Variants in NTM observed in about 807,000 individuals in gnomAD.
The protein encoded by NTM is IgLON family member 2.
A neutral mutation model predicts 42.1 loss-of-function variants in NTM; 13 were observed. The ratio of observed to expected loss-of-function variants is 0.31; its 90% CI spans 0.20 to 0.49. The LOEUF (loss-of-function observed/expected upper bound fraction) is 0.49, where lower values mean the gene tolerates loss of function less well. NTM is among the 20% of genes least tolerant of loss of function. NTM has a pLI of 0.99. For synonymous variants in NTM, 187 were observed against 179.2 expected (o/e 1.04, Z -0.35); for missense variants, 373 against 452.8 (o/e 0.82, Z 1.60).
rs71067336 is a variant in NTM at position 131,789,547 on chromosome 11, AAAGAAGAAGAAGAAGAAGAAGAAGAAG to A, written c.83-121954_83-121928del. Reference sequence around the variant, plus strand: ...AAGAAGAAGAAGAAGAAGAAGAAGAAAAGAAGAAGAAGAAGAAGAAGAAGAAGAAGAAGAAGAAGAAGAAGAAGAAGA... The same window carrying A: ...AAGAAGAAGAAGAAGAAGAAGAAGAAAAGAAGAAGAAGAAGAAGAAGAAGA... On this transcript the variant is annotated intron_variant, in intron 1 of 8. Coordinates refer to ENST00000683400, the MANE Select transcript of NTM (RefSeq NM_001352005.2). Among the ~76,000 whole-genome samples the A allele has an allele frequency of 2.3e-3, 12 of 5,114 alleles. 1 individual carries two copies. The highest frequency in any genetic ancestry group is 3.8e-3 in the African/African-American group (4 of 1,054). 3.4% of individuals were successfully genotyped at this position (5,114 alleles called of 152,430 possible).
intron 1 of NTM, among the ~76,000 whole-genome samples, chr11:131,861,532 C>T (rs633040): frequency 0.64 from 97,333 of 151,998 alleles, 31,592 homozygotes; most frequent in East Asian, 0.86. Flanking sequence ...ATAGATTTTC[C>T]GATAACCTTC....
intron 1 of NTM, among the ~76,000 whole-genome samples, chr11:131,759,657 A>C (rs1221373913): frequency 6.6e-6 from 1 of 152,058 alleles, no homozygotes; most frequent in African/African-American, 2.4e-5. Flanking sequence ...TAGTTGCCTG[A>C]AAGTGCTCAA....
At chr11:131,857,513 G>A (rs2046218396) in intron 1 of NTM, among the ~76,000 whole-genome samples, 1 of 152,058 alleles carries the variant, frequency 6.6e-6, no homozygotes, top group African/African-American at 2.4e-5. Context: ...CTTTCATCTG[G>A]CAGTGAAAAT....
At chr11:131,801,620 C>T (rs2092118358) in intron 1 of NTM, among the ~76,000 whole-genome samples, 1 of 152,056 alleles carries the variant, frequency 6.6e-6, no homozygotes, top group Admixed American at 6.5e-5. Flanking sequence ...ATGTAGACCC[C>T]TTTTTTTCTT....
intron 1 of NTM, among the ~76,000 whole-genome samples, chr11:131,529,486 G>C (rs546844770): frequency 6.6e-6 from 1 of 152,126 alleles, no homozygotes; most frequent in South Asian, 2.1e-4. Flanking sequence ...AAATAGGATG[G>C]GGAAATGCAG....
At chr11:131,940,568 G>A (rs1400474932) in intron 2 of NTM, among the ~76,000 whole-genome samples, 1 of 152,210 alleles carries the variant, frequency 6.6e-6, no homozygotes, top group African/African-American at 2.4e-5. Flanking sequence ...ACATAGTCCA[G>A]TTAACCTGAG....
At chr11:132,205,002 C>T (rs2081751805) in intron 3 of NTM, among the ~76,000 whole-genome samples, 1 of 152,164 alleles carries the variant, frequency 6.6e-6, no homozygotes, top group Non-Finnish European at 1.5e-5. Context: ...TGTCTCTGCA[C>T]GTGGTCTGGA....
intron 1 of NTM, among the ~76,000 whole-genome samples, chr11:131,906,177 A>C (rs1268250039): frequency 1.3e-5 from 2 of 152,122 alleles, no homozygotes; most frequent in Admixed American, 1.3e-4. Flanking sequence ...AACTAATTTG[A>C]GTTCAACCAA....
chr11:131,419,576 A>T (rs1367970822), intron 1 of NTM, among the ~76,000 whole-genome samples: 1 of 152,116 alleles, frequency 6.6e-6, no homozygotes, highest in African/African-American at 2.4e-5. Context: ...AGCATGTTTC[A>T]AGGGACTGAA....
intron 1 of NTM, among the ~76,000 whole-genome samples, chr11:131,822,221 C>T (rs1404326693): frequency 6.6e-6 from 1 of 152,098 alleles, no homozygotes; most frequent in Non-Finnish European, 1.5e-5. Flanking sequence ...TATCCACTCC[C>T]CTCTCCTCCC....
intron 1 of NTM, among the ~76,000 whole-genome samples, chr11:131,517,175 AT>A (rs1211562174): frequency 6.6e-6 from 1 of 152,134 alleles, no homozygotes; most frequent in Non-Finnish European, 1.5e-5. Flanking sequence ...ATTGGGTCTC[AT>A]TTTACAGATA....
chr11:132,069,947 A>G (rs374173998), intron 2 of NTM, among the ~76,000 whole-genome samples: 16 of 145,088 alleles, frequency 1.1e-4, no homozygotes, highest in South Asian at 2.2e-4. Context: ...GTTAGTTAAC[A>G]TGTCACACAG....
At chr11:131,502,041 ACAT>A (rs1247371351) in intron 1 of NTM, among the ~76,000 whole-genome samples, 1 of 152,088 alleles carries the variant, frequency 6.6e-6, no homozygotes, top group Non-Finnish European at 1.5e-5. Flanking sequence ...GAGGCTGGAA[ACAT>A]CAGCCTGTAG....
intron 2 of NTM, among the ~76,000 whole-genome samples, chr11:132,058,175 G>T (rs1210832176): frequency 6.6e-6 from 1 of 152,092 alleles, no homozygotes; most frequent in Non-Finnish European, 1.5e-5. Context: ...GGTGATTCTG[G>T]ATTGAACCCA....
chr11:131,479,323 C>T (rs1408635212), intron 1 of NTM, among the ~76,000 whole-genome samples: 1 of 152,122 alleles, frequency 6.6e-6, no homozygotes, highest in African/African-American at 2.4e-5. Flanking sequence ...GAAGAATATT[C>T]CAGACAGACA....
At chr11:131,598,848 T>TCTTC (rs1310902703) in intron 1 of NTM, among the ~76,000 whole-genome samples, 456 of 41,218 alleles carry the variant, frequency 0.011, 57 homozygotes, top group African/African-American at 0.028. Flanking sequence ...TTTCTTTCTT[T>TCTTC]CTTCCTTCCT....
chr11:132,234,141 T>C (rs142729976), intron 4 of NTM, among the ~76,000 whole-genome samples: 1 of 152,370 alleles, frequency 6.6e-6, no homozygotes, highest in Non-Finnish European at 1.5e-5. Context: ...AACAAAAATC[T>C]GATTCTTGCC....
chr11:131,443,681 A>G (rs1368857372), intron 1 of NTM, among the ~76,000 whole-genome samples: 2 of 152,168 alleles, frequency 1.3e-5, no homozygotes, highest in African/African-American at 4.8e-5. Flanking sequence ...TGAGTAGACC[A>G]CAGAAGCAGC....
chr11:132,259,527 A>G (rs932457927), intron 4 of NTM, among the ~76,000 whole-genome samples: 6 of 151,914 alleles, frequency 3.9e-5, no homozygotes, highest in Non-Finnish European at 8.8e-5. Context: ...TAAAAATACA[A>G]AAATTAGCCT....
Sources: allele counts gnomAD v4.1 joint callset (sites outside exome capture counted in the v4.1 genomes callset), GRCh38; gene constraint gnomAD v4.1.1; transcripts MANE v1.5; gene names NCBI Gene and HGNC (gene_info 2026-07-23, HGNC 2026-07-21).